The following TCEAL8 variants were observed in gnomAD, a reference collection of about 807,000 sequenced individuals.
TCEAL8 encodes transcription elongation factor A like 8.
For missense variants in TCEAL8, 78 were observed against 92.0 expected (o/e 0.85, Z 0.62); for synonymous variants, 41 against 29.6 (o/e 1.38, Z -1.25).
In TCEAL8 at chrX:103,253,857, G is replaced by A. The variant is rs967605465; in HGVS notation, c.123C>T (p.Gly41=). ...GGTTTCCTTCTGCTTCCTGGCTTAC[G>A]CCTTCTTCGGAAGGTTGAGGATTTC... ...AEGNPQPSEE[G]VSQEAEGNPR... The change falls in exon 3 of 3, where the codon GGC becomes GGT. Residue 41 remains glycine, a synonymous_variant. Transcript: ENST00000372685. The A allele has an allele frequency of 1.2e-5, 14 of 1,210,487 alleles. No homozygotes were observed. In the African/African-American group the frequency reaches 2.1e-4, roughly 18 times the overall value.
rs1925174502 is a variant in TCEAL8, at chrX:103,254,080, G to A, written c.-38-63C>T. 11 of 754,984 alleles carry A rather than the reference G, an allele frequency of 1.5e-5. No homozygotes were observed. The South Asian group carries it at 3.0e-4, about 21-fold the overall frequency. The allele number at this position is 754,984 out of a possible 1,213,427, so 62.2% of individuals were successfully genotyped here. On this transcript the variant is annotated intron_variant, in intron 2 of 2. Coordinates refer to ENST00000372685, the MANE Select transcript of TCEAL8 (RefSeq NM_153333.3). The stretch of plus-strand genomic sequence containing the variant: ...AAACAGACCAGCAGTCAGAGTATGG[G>A]GTCCCATAGCGACTGGCCTTTTTTG...
In TCEAL8 at chrX:103,253,827, T is replaced by C. The variant is rs750826056; in HGVS notation, c.153A>G (p.Arg51=). ...CCTGGCCAGGCTGATTCGGCCCTCC[T>C]CTGGGGTTTCCTTCTGCTTCCTGGC... is the stretch of plus-strand genomic sequence containing the variant. ...GVSQEAEGNP[R]GGPNQPGQGF... is the part of the protein sequence containing the mutation. Residue 51 remains arginine, a synonymous_variant, in exon 3 of 3, where the codon AGA becomes AGG. Transcript: ENST00000372685. 3.3e-6 allele frequency: 4 copies of C among 1,210,605 alleles called. No homozygotes were observed. In the East Asian group the frequency reaches 1.2e-4, roughly 36 times the overall value.
chrX:103,254,392 G>C (rs1925181367), intron 2 of TCEAL8, among the ~76,000 whole-genome samples: 1 of 110,581 alleles, frequency 9.0e-6, no homozygotes, highest in Non-Finnish European at 1.9e-5. Flanking sequence ...CACCTGAGAC[G>C]GCTGGTCCAG....
In TCEAL8 at chrX:103,253,488, G is replaced by A. The variant is rs1925155386; in HGVS notation, c.*138C>T. On this transcript the variant is annotated 3_prime_UTR_variant, in exon 3 of 3. Transcript: ENST00000372685. Reference sequence around the variant, plus strand: ...AATGGGTCAAAATCCAAAATCCAATGAGATGCTGGTACCAAGGAAATTACC... The same window carrying A: ...AATGGGTCAAAATCCAAAATCCAATAAGATGCTGGTACCAAGGAAATTACC... 2.0e-6 allele frequency: 1 copy of A among 498,646 alleles called. No individual in the cohort carries two copies. The highest frequency in any genetic ancestry group is 4.5e-5 in the Admixed American group (1 of 22,447). 41.1% of individuals were successfully genotyped at this position (498,646 alleles called of 1,213,427 possible). A position where few individuals can be genotyped will look rare whatever the true frequency, so the allele number is the denominator to read the frequency against.
chrX:103,255,050 C>T (rs1925202643), intron 1 of TCEAL8, 28 bp downstream of exon 1: 1 of 110,651 alleles, frequency 9.0e-6, no homozygotes, highest in Non-Finnish European at 1.9e-5. Flanking sequence ...CCCAGGGTCT[C>T]CAAGTCAGCG....
At position 103,253,318 on chromosome X, in the gene TCEAL8, A is replaced by G. The variant is rs191158126; in HGVS notation, c.*308T>C. On this transcript the variant is annotated 3_prime_UTR_variant, in exon 3 of 3. Coordinates refer to ENST00000372685, the MANE Select transcript of TCEAL8 (RefSeq NM_153333.3). Reference sequence around the variant, plus strand: ...TATGTATACACACACGCACACACACAAAGTTTGGAATTTTATCCTACATAT... The same window carrying G: ...TATGTATACACACACGCACACACACGAAGTTTGGAATTTTATCCTACATAT... 61 of 288,357 alleles carry G rather than the reference A, an allele frequency of 2.1e-4. No homozygotes were observed. The East Asian group carries it at 2.3e-3, about 11-fold the overall frequency. The allele number at this position is 288,357 out of a possible 1,213,427, so 23.8% of individuals were successfully genotyped here.
Position 103,254,677 on chromosome X carries a change from C to G in TCEAL8, c.-111G>C, listed in dbSNP as rs1300606348. 2.7e-5 allele frequency: 3 copies of G among 111,602 alleles called. No homozygotes were observed. The highest frequency in any genetic ancestry group is 9.8e-5 in the African/African-American group (3 of 30,491). 9.2% of individuals were successfully genotyped at this position (111,602 alleles called of 1,213,427 possible). On this transcript the variant is annotated splice_region_variant and 5_prime_UTR_variant, in exon 2 of 3. Transcript: ENST00000372685. ...GTGTCGCGCCCAAAAAACCAAATAT[C>G]CTGCAGACAGATGGGAGTGTTTGGT...
chrX:103,254,064 A>T (rs1925174228), intron 2 of TCEAL8, 47 bp from the exon 3 acceptor site: 14 of 871,915 alleles, frequency 1.6e-5, no homozygotes, highest in Non-Finnish European at 1.9e-5. Context: ...CAAACAGACC[A>T]GCAGTCAGAG....
At position 103,253,341 on chromosome X, in the gene TCEAL8, T is replaced by A. The variant is rs938032986; in HGVS notation, c.*285A>T. On this transcript the variant is annotated 3_prime_UTR_variant, in exon 3 of 3. Transcript: ENST00000372685. ...ACAAAGTTTGGAATTTTATCCTACA[T>A]ATGTGAGCTGATATTAAATATGCTG... The A allele has an allele frequency of 2.4e-5, 8 of 328,846 alleles. No individual in the cohort carries two copies. Among genetic ancestry groups the A allele is most frequent in the Non-Finnish European group, 4.2e-5 (8 of 190,755 alleles). 27.1% of individuals were successfully genotyped at this position (328,846 alleles called of 1,213,427 possible).
rs745745197 is a variant in TCEAL8 at position 103,253,877 on chromosome X, G to A, written c.103C>T (p.Pro35Ser). Residue 35 changes from proline (P) to serine (S), a missense_variant, in exon 3 of 3, where the codon CCT (proline) becomes TCT (serine). Physicochemically the swap from Pro to Ser is moderately conservative, Grantham distance 74. Transcript: ENST00000372685. ...EDVPQEAEGN[P>S]QPSEEGVSQE... ...CTTACGCCTTCTTCGGAAGGTTGAG[G>A]ATTTCCTTCTGCCTCCTGTGGTACA... The A allele has an allele frequency of 2.1e-5, 25 of 1,210,536 alleles. No individual in the cohort carries two copies. Among genetic ancestry groups the A allele is most frequent in the Non-Finnish European group, 2.7e-5 (24 of 895,264 alleles).
At chrX:103,254,198 C>A (rs1289787065) in intron 2 of TCEAL8, among the ~76,000 whole-genome samples, 181 bp from the exon 3 acceptor site, 2 of 110,429 alleles carry the variant, frequency 1.8e-5, no homozygotes, top group East Asian at 2.9e-4. Flanking sequence ...TTCGCGCCCC[C>A]TTTCGTTCCA....
Position 103,253,869 on chromosome X carries a change from A to G in TCEAL8, c.111T>C (p.Pro37=). 8.3e-7 allele frequency: 1 copy of G among 1,211,962 alleles called. No homozygotes were observed. The part of the protein sequence containing the change: ...VPQEAEGNPQ[P]SEEGVSQEAE... ...CTTCCTGGCTTACGCCTTCTTCGGA[A>G]GGTTGAGGATTTCCTTCTGCCTCCT... Residue 37 remains proline (P), a synonymous_variant, in exon 3 of 3, where the codon CCT becomes CCC. Coordinates refer to ENST00000372685, the MANE Select transcript of TCEAL8 (RefSeq NM_153333.3).
chrX:103,253,052 GT>G lies in TCEAL8; in HGVS notation c.*573del, dbSNP rs1366106012. ...CTAAGAGATCCAGAGGTAATTTGAG[GT>G]TTACATTTCTTTTTAAAGTTCTTTC... On this transcript the variant is annotated 3_prime_UTR_variant, in exon 3 of 3. Transcript: ENST00000372685. The G allele has an allele frequency of 8.3e-6, 1 of 120,396 alleles. No individual in the cohort carries two copies. Among genetic ancestry groups the G allele is most frequent in the African/African-American group, 3.3e-5 (1 of 30,747 alleles). 9.9% of individuals were successfully genotyped at this position (120,396 alleles called of 1,213,427 possible). A position where few individuals can be genotyped will look rare whatever the true frequency, so the allele number is the denominator to read the frequency against.
chrX:103,253,807 C>A lies in TCEAL8; in HGVS notation c.173G>T (p.Gly58Val). Residue 58 changes from glycine (G) to valine (V), a missense_variant, in exon 3 of 3, where the codon GGC becomes GTC. Transcript: ENST00000372685. ...GGGTGTGTCCTCTTTAAATCCCTGG[C>A]CAGGCTGATTCGGCCCTCCTCTGGG... Reference protein sequence around the residue: ...GNPRGGPNQPGQGFKEDTPVR... With the variant: ...GNPRGGPNQPVQGFKEDTPVR... The A allele has an allele frequency of 8.3e-7, 1 of 1,211,966 alleles. No individual in the cohort carries two copies. The highest frequency in any genetic ancestry group is 1.1e-6 in the Non-Finnish European group (1 of 895,583).
Position 103,253,467 on chromosome X carries a change from G to T in TCEAL8, c.*159C>A, listed in dbSNP as rs1925154814. ...AATTGAAAAATAGACCTGGAAAATG[G>T]GTCAAAATCCAAAATCCAATGAGAT... is the stretch of plus-strand genomic sequence containing the variant. On this transcript the variant is annotated 3_prime_UTR_variant, in exon 3 of 3. Transcript: ENST00000372685. 2.3e-6 allele frequency: 1 copy of T among 433,730 alleles called. No homozygotes were observed. Among genetic ancestry groups the T allele is most frequent in the Non-Finnish European group, 3.8e-6 (1 of 263,309 alleles). 35.7% of individuals were successfully genotyped at this position (433,730 alleles called of 1,213,427 possible). A position where few individuals can be genotyped will look rare whatever the true frequency, so the allele number is the denominator to read the frequency against.
In TCEAL8 at chrX:103,253,259, CTTGG is replaced by C. The variant is rs761031398; in HGVS notation, c.*363_*366del. ...AAATTTCACACCACACAGAAATAAG[CTTGG>C]TTAAGTTTGTGATATATGTTATATG... On this transcript the variant is annotated 3_prime_UTR_variant, in exon 3 of 3. Coordinates refer to ENST00000372685, the MANE Select transcript of TCEAL8 (RefSeq NM_153333.3). 4.0e-4 allele frequency: 64 copies of C among 160,091 alleles called. No individual in the cohort carries two copies. Among genetic ancestry groups the C allele is most frequent in the African/African-American group, 1.8e-3 (59 of 32,804 alleles). 13.2% of individuals were successfully genotyped at this position (160,091 alleles called of 1,213,427 possible). A position where few individuals can be genotyped will look rare whatever the true frequency, so the allele number is the denominator to read the frequency against.
Position 103,253,774 on chromosome X carries a change from T to C in TCEAL8, c.206A>G (p.His69Arg), listed in dbSNP as rs1459847464. ...QGFKEDTPVR[H>R]LDPEEMIRGV... ...TCTTATCATTTCTTCAGGGTCCAAA[T>C]GCCTAACGGGTGTGTCCTCTTTAAA... Residue 69 changes from histidine (H) to arginine (R), a missense_variant, in exon 3 of 3, where the codon CAT becomes CGT. Transcript: ENST00000372685. 8.3e-7 allele frequency: 1 copy of C among 1,212,066 alleles called. No individual in the cohort carries two copies. Among genetic ancestry groups the C allele is most frequent in the Middle Eastern group, 2.3e-4 (1 of 4,355 alleles).
At chrX:103,254,172 C>T (rs1292095177) in intron 2 of TCEAL8, among the ~76,000 whole-genome samples, 155 bp from the exon 3 acceptor site, 3 of 110,191 alleles carry the variant, frequency 2.7e-5, no homozygotes, top group African/African-American at 9.9e-5. Flanking sequence ...TCAGAACTCC[C>T]CTGACTCCAC....
At chrX:103,254,396 G>A (rs1222360235) in intron 2 of TCEAL8, among the ~76,000 whole-genome samples, 1 of 110,542 alleles carries the variant, frequency 9.0e-6, no homozygotes, top group African/African-American at 3.3e-5. Flanking sequence ...TGAGACGGCT[G>A]GTCCAGTCTC....
Sources: allele counts gnomAD v4.1 joint callset (sites outside exome capture counted in the v4.1 genomes callset), GRCh38; gene constraint gnomAD v4.1.1; transcripts MANE v1.5; gene names NCBI Gene and HGNC (gene_info 2026-07-23, HGNC 2026-07-21).